Variants in TTLL11 observed in about 807,000 individuals in gnomAD.
TTLL11 encodes tubulin tyrosine ligase like 11.
In TTLL11, 42 loss-of-function variants were observed where a neutral mutation model predicts 51.7. The ratio of observed to expected loss-of-function variants is 0.81; its 90% CI spans 0.64 to 1.05. The LOEUF is 1.05. TTLL11 is among the 50% of genes least tolerant of loss of function. The pLI is 0.00. For synonymous variants in TTLL11, 381 were observed against 383.5 expected (o/e 0.99, Z 0.08); for missense variants, 799 against 940.4 (o/e 0.85, Z 1.97).
At chr9:122,010,388 A>G (rs1402632351) in intron 3 of TTLL11, among the ~76,000 whole-genome samples, 2 of 152,180 alleles carry the variant, frequency 1.3e-5, no homozygotes, top group African/African-American at 4.8e-5. Flanking sequence ...TCAGCCCTCT[A>G]TCTCAGGGGC....
At chr9:122,038,388 T>C (rs1010228208) in intron 2 of TTLL11, among the ~76,000 whole-genome samples, 3 of 152,150 alleles carry the variant, frequency 2.0e-5, no homozygotes, top group Non-Finnish European at 4.4e-5. Flanking sequence ...CTCACGCTTG[T>C]AATCCCAGCA....
chr9:121,950,879 A>G (rs530156018), intron 6 of TTLL11, among the ~76,000 whole-genome samples: 1 of 152,130 alleles, frequency 6.6e-6, no homozygotes, highest in East Asian at 1.9e-4. Context: ...GGACAATAAT[A>G]CCTTATAGGG....
At chr9:121,877,081 C>T (rs1027588043) in intron 6 of TTLL11, among the ~76,000 whole-genome samples, 1 of 152,206 alleles carries the variant, frequency 6.6e-6, no homozygotes, top group Non-Finnish European at 1.5e-5. Flanking sequence ...CGTGGCTTGG[C>T]AGGAGAGCCT....
chr9:121,860,204 C>T (rs1438690611), intron 8 of TTLL11, 133 bp downstream of exon 8: 2 of 655,144 alleles, frequency 3.1e-6, no homozygotes, highest in African/African-American at 1.8e-5. Flanking sequence ...CAGCTCAATC[C>T]CTGGGATTAT....
At chr9:121,947,562 TAA>T (rs1349050502) in intron 6 of TTLL11, among the ~76,000 whole-genome samples, 2 of 152,158 alleles carry the variant, frequency 1.3e-5, no homozygotes, top group African/African-American at 4.8e-5. Flanking sequence ...GCATTTGACT[TAA>T]AGTCACTTAG....
At position 121,826,557 on chromosome 9, in the gene TTLL11, G is replaced by GTATA. The variant is rs1171227988; in HGVS notation, c.1841-3682_1841-3679dup. Among the ~76,000 whole-genome samples, 273 of 51,338 alleles carry GTATA rather than the reference G, an allele frequency of 5.3e-3. 10 individuals are homozygous for GTATA. Among genetic ancestry groups the GTATA allele is most frequent in the South Asian group, 8.7e-3 (12 of 1,384 alleles). 33.7% of individuals were successfully genotyped at this position (51,338 alleles called of 152,430 possible). A position where few individuals can be genotyped will look rare whatever the true frequency, so the allele number is the denominator to read the frequency against. Reference sequence around the variant, plus strand: ...TGTGTGTATATATATATATGTGTGTGTATATATATATATATATATATATAT... The same window carrying GTATA: ...TGTGTGTATATATATATATGTGTGTGTATATATATATATATATATATATATATAT... On this transcript the variant is annotated intron_variant, in intron 8 of 8. Coordinates refer to ENST00000321582, the MANE Select transcript of TTLL11 (RefSeq NM_001139442.2).
chr9:122,080,106 T>C (rs1414042775), intron 1 of TTLL11, among the ~76,000 whole-genome samples: 5 of 152,170 alleles, frequency 3.3e-5, no homozygotes, highest in African/African-American at 9.6e-5. Flanking sequence ...CACACCAAAA[T>C]AGCCATATCA....
At chr9:122,012,674 A>C (rs1044964409) in intron 3 of TTLL11, among the ~76,000 whole-genome samples, 2 of 146,270 alleles carry the variant, frequency 1.4e-5, no homozygotes, top group East Asian at 1.9e-4. Flanking sequence ...ACACACACAC[A>C]CACGCACACA....
chr9:122,073,374 C>T (rs1845778347), intron 1 of TTLL11, among the ~76,000 whole-genome samples: 2 of 152,168 alleles, frequency 1.3e-5, no homozygotes, highest in South Asian at 4.1e-4. Context: ...TGCACCACTG[C>T]ACTCCAGCCT....
In TTLL11 at chr9:121,822,916, G is replaced by A. The variant is rs1045360852; in HGVS notation, c.1841-37C>T. On this transcript the variant is annotated intron_variant, in intron 8 of 8. Coordinates refer to ENST00000321582, the MANE Select transcript of TTLL11 (RefSeq NM_001139442.2). This position sits in a 1 kb window ranked among gnomAD's most constrained non-coding sequence, Gnocchi z 5.8. ...GAGACTGGATGAGGGGGTGCACACA[G>A]CTGCCCTACGCTGCCCTGGGAAGGC... 7 of 1,495,914 alleles carry A rather than the reference G, an allele frequency of 4.7e-6. No homozygotes were observed. In the African/African-American group the frequency reaches 5.6e-5, roughly 12 times the overall value. The allele number at this position is 1,495,914 out of a possible 1,614,324, so 92.7% of individuals were successfully genotyped here.
chr9:121,954,618 G>A (rs1323335098), intron 6 of TTLL11, among the ~76,000 whole-genome samples: 2 of 151,986 alleles, frequency 1.3e-5, no homozygotes, highest in African/African-American at 2.4e-5. Context: ...GAAGCAAGAA[G>A]CTAGATGGTG....
intron 6 of TTLL11, among the ~76,000 whole-genome samples, chr9:121,926,412 G>A (rs1286299005): frequency 6.6e-6 from 1 of 152,240 alleles, no homozygotes; most frequent in Non-Finnish European, 1.5e-5. Flanking sequence ...TGTGTTCACT[G>A]CCACAAGGCT....
At chr9:122,049,976 G>A (rs142467441) in intron 1 of TTLL11, among the ~76,000 whole-genome samples, 1 of 152,242 alleles carries the variant, frequency 6.6e-6, no homozygotes, top group Non-Finnish European at 1.5e-5. Context: ...GCTCTAAGAT[G>A]AGGGGTCCAA....
intron 6 of TTLL11, among the ~76,000 whole-genome samples, chr9:121,914,480 TCTGTA>T (rs972559485): frequency 3.3e-5 from 5 of 152,238 alleles, no homozygotes; most frequent in African/African-American, 4.8e-5. Flanking sequence ...GAGCTTAAAA[TCTGTA>T]GGCAGGGCCT....
chr9:121,828,054 C>T (rs1460746137), intron 8 of TTLL11, among the ~76,000 whole-genome samples: 1 of 152,198 alleles, frequency 6.6e-6, no homozygotes, highest in African/African-American at 2.4e-5. Context: ...GCAGAAAGTG[C>T]CATAGAGCCC....
intron 1 of TTLL11, among the ~76,000 whole-genome samples, chr9:122,052,579 T>G (rs1845191857): frequency 1.3e-5 from 2 of 152,222 alleles, no homozygotes; most frequent in Admixed American, 1.3e-4. Flanking sequence ...TTCCATTCTT[T>G]CCTATCATTC....
At chr9:121,878,694 T>A (rs1396691592) in intron 6 of TTLL11, among the ~76,000 whole-genome samples, 1 of 152,210 alleles carries the variant, frequency 6.6e-6, no homozygotes, top group Non-Finnish European at 1.5e-5. Context: ...ATTTTACGGA[T>A]GAAGGAGCTG....
chr9:122,082,054 T>C (rs1466125964), intron 1 of TTLL11, among the ~76,000 whole-genome samples: 2 of 152,198 alleles, frequency 1.3e-5, no homozygotes, highest in Non-Finnish European at 1.5e-5. Flanking sequence ...AGATGAATAG[T>C]ATACAGTATT....
At chr9:121,887,704 C>T (rs373079939) in intron 6 of TTLL11, among the ~76,000 whole-genome samples, 14 of 152,206 alleles carry the variant, frequency 9.2e-5, no homozygotes, top group African/African-American at 2.7e-4. Flanking sequence ...TTCCCACAGG[C>T]GAGGGGAAAC....
Sources: allele counts gnomAD v4.1 joint callset (sites outside exome capture counted in the v4.1 genomes callset), GRCh38; gene constraint gnomAD v4.1.1; non-coding constraint Gnocchi (gnomAD v3.1); transcripts MANE v1.5; gene names NCBI Gene and HGNC (gene_info 2026-07-23, HGNC 2026-07-21).